Variants in EPS15L1 observed in about 807,000 individuals in gnomAD.
EPS15L1 encodes the protein epidermal growth factor receptor pathway substrate 15 like 1.
In EPS15L1, 43 loss-of-function variants were observed where a neutral mutation model predicts 117.1. That is an observed-to-expected ratio of 0.37 (90% CI 0.29 to 0.47). The LOEUF is 0.47. Ranked by LOEUF, EPS15L1 falls within the 20% of genes least tolerant of loss-of-function variation. The pLI is 0.99. For synonymous variants in EPS15L1, 459 were observed against 470.5 expected (o/e 0.98, Z 0.32); for missense variants, 981 against 1,164.0 (o/e 0.84, Z 2.29).
chr19:16,427,367 G>A (rs1220745922), intron 8 of EPS15L1, among the ~76,000 whole-genome samples: 2 of 152,110 alleles, frequency 1.3e-5, no homozygotes, highest in South Asian at 2.1e-4. Flanking sequence ...CAGTTCTGGA[G>A]TTTTCTGAAT....
chr19:16,398,489 G>A (rs560360450), intron 16 of EPS15L1, among the ~76,000 whole-genome samples: 4 of 152,268 alleles, frequency 2.6e-5, no homozygotes, highest in Non-Finnish European at 4.4e-5. Flanking sequence ...AGATGGAGAA[G>A]TCCTACTCTA....
intron 1 of EPS15L1, among the ~76,000 whole-genome samples, chr19:16,461,994 G>A (rs2093257322): frequency 6.6e-6 from 1 of 152,184 alleles, no homozygotes; most frequent in East Asian, 1.9e-4. Flanking sequence ...GATTTCAGGG[G>A]CTGGGAACCC....
At chr19:16,402,566 G>C in intron 15 of EPS15L1, 81 bp from the exon 16 acceptor site, 1 of 1,335,406 alleles carries the variant, frequency 7.5e-7, no homozygotes, top group Non-Finnish European at 1.0e-6. Flanking sequence ...TTAAAACACA[G>C]GGTCTCACTC....
In EPS15L1 at chr19:16,383,135, C is replaced by T. The variant is rs565630574; in HGVS notation, c.2247+1994G>A. 3 of 152,288 alleles carry T rather than the reference C, an allele frequency of 2.0e-5. No homozygotes were observed. Among genetic ancestry groups the T allele is most frequent in the African/African-American group, 4.8e-5 (2 of 41,544 alleles). The allele number at this position is 152,288 out of a possible 1,614,324, so 9.4% of individuals were successfully genotyped here. The stretch of plus-strand genomic sequence containing the variant: ...TGTCATGAAGGCAGCTGATGGAACG[C>T]TGGAATCAAAACAAGATAGTATTGG... On this transcript the variant is annotated intron_variant, in intron 21 of 23. Coordinates refer to ENST00000455140, the MANE Select transcript of EPS15L1 (RefSeq NM_001258374.3). This position sits in a 1 kb window ranked among gnomAD's most constrained non-coding sequence, Gnocchi z 5.2.
rs1404364521 is a variant in EPS15L1 at position 16,365,328 on chromosome 19, T to A, written c.2381-3344A>T. 1.3e-5 allele frequency among the ~76,000 whole-genome samples: 2 copies of A among 152,134 alleles called. No individual in the cohort carries two copies. The highest frequency in any genetic ancestry group is 2.9e-5 in the Non-Finnish European group (2 of 68,034). ...AATATAACCATACTTGAAGATAGCA[T>A]ATTTAAAGGGGTAACTGAGTTAAAA... On this transcript the variant is annotated intron_variant, in intron 22 of 23. Coordinates refer to ENST00000455140, the MANE Select transcript of EPS15L1 (RefSeq NM_001258374.3). The surrounding 1 kb of genome is among the most constrained non-coding windows in gnomAD (Gnocchi z 4.9).
At chr19:16,399,505 C>T (rs1211349344) in intron 16 of EPS15L1, among the ~76,000 whole-genome samples, 1 of 152,180 alleles carries the variant, frequency 6.6e-6, no homozygotes, top group Non-Finnish European at 1.5e-5. Flanking sequence ...GCTTCTGTGA[C>T]ATTCCCGCCC....
Position 16,377,189 on chromosome 19 carries a change from T to G in EPS15L1, c.2313A>C (p.Lys771Asn). 6.2e-7 allele frequency: 1 copy of G among 1,613,028 alleles called. No homozygotes were observed. The highest frequency in any genetic ancestry group is 2.2e-5 in the East Asian group (1 of 44,740). The change falls in exon 22 of 24, where the codon AAA (lysine) becomes AAC (asparagine). Residue 771 changes from lysine (K) to asparagine (N), a missense_variant. By Grantham distance (94) the Lys-to-Asn change is moderately conservative (BLOSUM62 0). Coordinates refer to ENST00000455140, the MANE Select transcript of EPS15L1 (RefSeq NM_001258374.3). ...GCAGAGCAGGAGTGTCCTGTTTACT[T>G]TTAAAGGGGTCATCTGAGAATCCTG... ...GGAGFSDDPF[K>N]SKQDTPALPP... is the part of the protein sequence containing the mutation.
intron 9 of EPS15L1, among the ~76,000 whole-genome samples, chr19:16,424,666 CTTT>C (rs914284719): frequency 6.8e-6 from 1 of 146,902 alleles, no homozygotes; most frequent in Non-Finnish European, 1.5e-5. Context: ...TAAATGAATA[CTTT>C]TTTTTTTTGA....
intron 13 of EPS15L1, among the ~76,000 whole-genome samples, chr19:16,407,690 T>C (rs1357986128): frequency 6.6e-6 from 1 of 152,224 alleles, no homozygotes; most frequent in East Asian, 1.9e-4. Flanking sequence ...AAAGCTGAAA[T>C]ACACAATTGT....
chr19:16,378,271 C>G (rs778723988), intron 21 of EPS15L1, among the ~76,000 whole-genome samples: 1 of 152,034 alleles, frequency 6.6e-6, no homozygotes, highest in African/African-American at 2.4e-5. Context: ...GGGACTTCAT[C>G]GCTGCCCCAG....
At chr19:16,429,374 A>T (rs913001591) in intron 7 of EPS15L1, among the ~76,000 whole-genome samples, 1 of 152,170 alleles carries the variant, frequency 6.6e-6, no homozygotes, top group Non-Finnish European at 1.5e-5. Flanking sequence ...CTGGATGGGC[A>T]CACTGCCTGC....
At chr19:16,455,713 A>G (rs560151370) in intron 1 of EPS15L1, among the ~76,000 whole-genome samples, 11 of 152,216 alleles carry the variant, frequency 7.2e-5, no homozygotes, top group African/African-American at 2.7e-4. Flanking sequence ...TCTGTGCCTC[A>G]GCTTCTGCAT....
chr19:16,467,425 C>G (rs947094923), intron 1 of EPS15L1, among the ~76,000 whole-genome samples: 2 of 152,086 alleles, frequency 1.3e-5, no homozygotes, highest in Non-Finnish European at 2.9e-5. Context: ...GCTAGGATTA[C>G]AGGCGTCAGC....
chr19:16,360,954 G>A (rs2092042216), intron 23 of EPS15L1, among the ~76,000 whole-genome samples: 1 of 152,234 alleles, frequency 6.6e-6, no homozygotes, highest in Non-Finnish European at 1.5e-5. Flanking sequence ...AAGAAAGCGA[G>A]GGCATCACAC....
intron 19 of EPS15L1, among the ~76,000 whole-genome samples, chr19:16,387,538 C>T (rs2092432529): frequency 6.6e-6 from 1 of 152,250 alleles, no homozygotes; most frequent in East Asian, 1.9e-4. Flanking sequence ...ACCCAGGAGG[C>T]AGAGGTTGCA....
intron 13 of EPS15L1, among the ~76,000 whole-genome samples, chr19:16,412,014 C>A (rs2092710707): frequency 6.6e-6 from 1 of 152,124 alleles, no homozygotes; most frequent in Non-Finnish European, 1.5e-5. Flanking sequence ...TACTTTAAAT[C>A]ATCTCTAGGT....
chr19:16,453,628 G>C (rs1253916852), intron 1 of EPS15L1, among the ~76,000 whole-genome samples: 2 of 152,082 alleles, frequency 1.3e-5, no homozygotes, highest in African/African-American at 4.8e-5. Flanking sequence ...CAGGAGAATG[G>C]CGTGAACCCG....
Position 16,355,735 on chromosome 19 carries a change from C to T in EPS15L1, c.2703G>A (p.Ala901=), listed in dbSNP as rs1257121389. Residue 901 remains alanine, a synonymous_variant, in exon 24 of 24, where the codon GCG becomes GCA. Coordinates refer to ENST00000455140, the MANE Select transcript of EPS15L1 (RefSeq NM_001258374.3). ...QEQEDLELAI[A]LSKADMPAA ...CGGCAGGCATGTCAGCCTTGCTGAG[C>T]GCGATGGCCAGTTCCAGGTCCTCCT... 6.5e-7 allele frequency: 1 copy of T among 1,535,840 alleles called. No homozygotes were observed. The highest frequency in any genetic ancestry group is 8.7e-7 in the Non-Finnish European group (1 of 1,146,780).
At chr19:16,450,451 C>A (rs1372597584) in intron 1 of EPS15L1, among the ~76,000 whole-genome samples, 1 of 151,230 alleles carries the variant, frequency 6.6e-6, no homozygotes, top group Non-Finnish European at 1.5e-5. Context: ...TGGACGGAGG[C>A]CGTGAGCCCC....
Sources: allele counts gnomAD v4.1 joint callset (sites outside exome capture counted in the v4.1 genomes callset), GRCh38; gene constraint gnomAD v4.1.1; non-coding constraint Gnocchi (gnomAD v3.1); transcripts MANE v1.5; gene names NCBI Gene and HGNC (gene_info 2026-07-23, HGNC 2026-07-21).